Variants in FXYD5 observed in about 807,000 individuals in gnomAD.
The protein encoded by FXYD5 is FXYD domain-containing ion transport regulator 5.
Under a neutral mutation model 25.7 loss-of-function variants are expected in FXYD5, and 21 were observed. The observed-to-expected ratio is 0.82, with a 90% confidence interval of 0.58 to 1.18. FXYD5 has a LOEUF of 1.18. Among genes scored for constraint, FXYD5 ranks in the 50% most tolerant of loss-of-function variants. The probability of loss-of-function intolerance (pLI) is 0.00; values close to 1 mark genes in which losing one functional copy is unlikely to be tolerated. For synonymous variants in FXYD5, 101 were observed against 90.7 expected (o/e 1.11, Z -0.64); for missense variants, 229 against 227.7 (o/e 1.01, Z -0.04).
intron 8 of FXYD5, among the ~76,000 whole-genome samples, chr19:35,168,154 G>A (rs1006515656): frequency 3.9e-5 from 6 of 152,148 alleles, no homozygotes; most frequent in African/African-American, 1.4e-4. Context: ...CTGGGGCCAT[G>A]TATTTTTCCA....
chr19:35,155,650 C>T (rs2065347271), intron 2 of FXYD5, 39 bp downstream of exon 2: 2 of 1,458,004 alleles, frequency 1.4e-6, no homozygotes, highest in Non-Finnish European at 1.9e-6. Context: ...CCCCAGAGCC[C>T]CCAGCCAGGC....
intron 5 of FXYD5, among the ~76,000 whole-genome samples, chr19:35,163,167 A>C (rs1158574159): frequency 6.6e-6 from 1 of 152,212 alleles, no homozygotes; most frequent in Non-Finnish European, 1.5e-5. Context: ...TGTCCTTCGC[A>C]TTCCTGTGGT....
intron 3 of FXYD5, 92 bp from the exon 4 acceptor site, chr19:35,158,252 T>C (rs1283979448): frequency 2.0e-5 from 16 of 816,172 alleles, no homozygotes; most frequent in South Asian, 4.1e-5. Context: ...GTTGAGTTGC[T>C]ACGGGAATCT....
intron 1 of FXYD5, chr19:35,155,230 A>G: frequency 2.3e-6 from 1 of 429,666 alleles, no homozygotes; most frequent in Non-Finnish European, 4.3e-6. Flanking sequence ...AGTGAGGGAT[A>G]AGCGCCTGGC....
In FXYD5 at chr19:35,158,402, T is replaced by C; in HGVS notation, c.199+2T>C. 1 of 1,580,344 alleles carries C rather than the reference T, an allele frequency of 6.3e-7. No homozygotes were observed. On this transcript the variant is annotated splice_donor_variant, in intron 4 of 8. Coordinates refer to ENST00000392219, the MANE Select transcript of FXYD5 (RefSeq NM_014164.6). LOFTEE classifies it high-confidence loss of function. ...CAACCCCAACCTGGCCTGCTGATGGTGAGTAGTGCAGGGGCAGGCGGCGGG... is the reference window on the plus strand; with the variant it reads ...CAACCCCAACCTGGCCTGCTGATGGCGAGTAGTGCAGGGGCAGGCGGCGGG...
intron 3 of FXYD5, among the ~76,000 whole-genome samples, chr19:35,157,965 G>A (rs1346366120): frequency 1.3e-5 from 2 of 152,220 alleles, no homozygotes; most frequent in Non-Finnish European, 2.9e-5. Flanking sequence ...CAGCCCCGCT[G>A]AATAAAGTGG....
intron 5 of FXYD5, among the ~76,000 whole-genome samples, chr19:35,162,328 C>G (rs2065413699): frequency 6.6e-6 from 1 of 152,194 alleles, no homozygotes; most frequent in Admixed American, 6.5e-5. Context: ...CCTCCTAGCT[C>G]AAAACTTCCA....
At chr19:35,162,501 A>G (rs576820063) in intron 5 of FXYD5, among the ~76,000 whole-genome samples, 1 of 152,198 alleles carries the variant, frequency 6.6e-6, no homozygotes, top group Non-Finnish European at 1.5e-5. Context: ...CTTGGGTCAC[A>G]GACAGCCATT....
intron 8 of FXYD5, 141 bp from the exon 9 acceptor site, chr19:35,169,425 G>A (rs894682670): frequency 1.5e-6 from 1 of 664,462 alleles, no homozygotes; most frequent in African/African-American, 1.8e-5. Context: ...TTCTCGGTGT[G>A]TTTCTCCATC....
At chr19:35,165,842 C>T (rs530927675) in intron 6 of FXYD5, among the ~76,000 whole-genome samples, 17 of 152,070 alleles carry the variant, frequency 1.1e-4, no homozygotes, top group East Asian at 3.9e-4. Context: ...GGGAGCCATG[C>T]GGATGTCTAG....
At chr19:35,155,234 G>A (rs892061314) in intron 1 of FXYD5, 3 of 439,040 alleles carry the variant, frequency 6.8e-6, no homozygotes, top group African/African-American at 2.0e-5. Context: ...AGGGATAAGC[G>A]CCTGGCGGAA....
At chr19:35,162,713 C>T (rs1192479572) in intron 5 of FXYD5, among the ~76,000 whole-genome samples, 1 of 152,166 alleles carries the variant, frequency 6.6e-6, no homozygotes, top group Non-Finnish European at 1.5e-5. Flanking sequence ...GGATAGAATT[C>T]AGTCTATAGT....
At chr19:35,162,609 A>G (rs1254796787) in intron 5 of FXYD5, among the ~76,000 whole-genome samples, 2 of 152,134 alleles carry the variant, frequency 1.3e-5, no homozygotes, top group African/African-American at 4.8e-5. Flanking sequence ...CACTAATCCC[A>G]TCATGAGGGC....
At chr19:35,162,889 G>A (rs1160673827) in intron 5 of FXYD5, among the ~76,000 whole-genome samples, 1 of 152,198 alleles carries the variant, frequency 6.6e-6, no homozygotes, top group African/African-American at 2.4e-5. Context: ...GAAGAGTGCT[G>A]AGCAGACAGT....
Position 35,158,388 on chromosome 19 carries a change from T to A in FXYD5, c.187T>A (p.Trp63Arg). 1 of 1,599,880 alleles carries A rather than the reference T, an allele frequency of 6.3e-7. No individual in the cohort carries two copies. Among genetic ancestry groups the A allele is most frequent in the Non-Finnish European group, 8.6e-7 (1 of 1,167,252 alleles). ...ELQPTSPTPT[W>R]PADETPQPQT... ...CCAGCCCACCTCTCCAACCCCAACCTGGCCTGCTGATGGTGAGTAGTGCAG... is the reference window on the plus strand; with the variant it reads ...CCAGCCCACCTCTCCAACCCCAACCAGGCCTGCTGATGGTGAGTAGTGCAG... Residue 63 changes from tryptophan (W) to arginine (R), a missense_variant, in exon 4 of 9, where the codon TGG becomes AGG. Transcript: ENST00000392219.
intron 2 of FXYD5, 89 bp downstream of exon 2, chr19:35,155,700 T>G: frequency 5.2e-6 from 5 of 954,476 alleles, no homozygotes; most frequent in Non-Finnish European, 8.4e-6. Flanking sequence ...TTGGCCCGTG[T>G]GAACGTTGTC....
chr19:35,167,660 C>T (rs2065462686), intron 8 of FXYD5, among the ~76,000 whole-genome samples: 1 of 152,184 alleles, frequency 6.6e-6, no homozygotes, highest in African/African-American at 2.4e-5. Context: ...CTCTCTTGTC[C>T]AACTTCCTCA....
At position 35,158,324 on chromosome 19, in the gene FXYD5, T is replaced by G. The variant is rs768079120; in HGVS notation, c.143-20T>G. The G allele has an allele frequency of 7.0e-6, 11 of 1,567,486 alleles. No homozygotes were observed. The South Asian group carries it at 1.2e-4, about 17-fold the overall frequency. On this transcript the variant is annotated intron_variant, in intron 3 of 8. Coordinates refer to ENST00000392219, the MANE Select transcript of FXYD5 (RefSeq NM_014164.6). ...TTCTCTCTCCTTTTCTCTCCGTGAC[T>G]CCTTGTTTCTGGACTCCAGATGCAG...
intron 5 of FXYD5, among the ~76,000 whole-genome samples, 162 bp downstream of exon 5, chr19:35,160,963 T>C (rs1490067129): frequency 6.6e-6 from 1 of 152,218 alleles, no homozygotes; most frequent in African/African-American, 2.4e-5. Context: ...TGGGGAACCC[T>C]GAGTTAAAGT....
Sources: gnomAD v4.1 joint callset for allele counts (sites outside exome capture counted in the v4.1 genomes callset) on GRCh38, gnomAD v4.1.1 for gene constraint, MANE v1.5 for transcripts, NCBI Gene and HGNC (gene_info 2026-07-23, HGNC 2026-07-21) for gene names.